CSGALNACT1: variants seen among roughly 807,000 people sequenced by gnomAD.
The protein encoded by CSGALNACT1 is chondroitin sulfate N-acetylgalactosaminyltransferase 1.
In CSGALNACT1, 52 loss-of-function variants were observed where a neutral mutation model predicts 51.0. That is an observed-to-expected ratio of 1.02 (90% CI 0.82 to 1.29). The LOEUF (loss-of-function observed/expected upper bound fraction) is 1.29. Among genes scored for constraint, CSGALNACT1 ranks in the 50% most tolerant of loss-of-function variants. The probability of loss-of-function intolerance (pLI) is 0.00; values close to 1 mark genes in which losing one functional copy is unlikely to be tolerated. For missense variants in CSGALNACT1, 935 were observed against 679.2 expected (o/e 1.38, Z -4.19); for synonymous variants, 341 against 254.4 (o/e 1.34, Z -3.24).
At chr8:19,570,446 C>G (rs1588489112) in intron 3 of CSGALNACT1, among the ~76,000 whole-genome samples, 1 of 152,118 alleles carries the variant, frequency 6.6e-6, no homozygotes, top group Admixed American at 6.6e-5. Flanking sequence ...TAGTACACTC[C>G]TCATTAACAC....
At chr8:19,550,788 C>T (rs930790182) in intron 3 of CSGALNACT1, among the ~76,000 whole-genome samples, 2 of 152,112 alleles carry the variant, frequency 1.3e-5, no homozygotes, top group African/African-American at 4.8e-5. Flanking sequence ...AAGATAAGCC[C>T]CATTGTCAGA....
intron 3 of CSGALNACT1, among the ~76,000 whole-genome samples, chr8:19,507,816 A>G (rs369710230): frequency 9.9e-5 from 15 of 152,236 alleles, no homozygotes; most frequent in African/African-American, 3.1e-4. Context: ...TTTAGTAGAG[A>G]CGGGGTTTCA....
At chr8:19,589,215 C>T (rs2047290785) in intron 3 of CSGALNACT1, among the ~76,000 whole-genome samples, 1 of 152,170 alleles carries the variant, frequency 6.6e-6, no homozygotes, top group African/African-American at 2.4e-5. Context: ...AAACCATCTG[C>T]CAACATCCTC....
intron 4 of CSGALNACT1, among the ~76,000 whole-genome samples, chr8:19,480,166 G>C (rs2070960301): frequency 6.6e-6 from 1 of 152,054 alleles, no homozygotes; most frequent in Admixed American, 6.5e-5. Flanking sequence ...TGTTATATAG[G>C]TAAACTTCTG....
At chr8:19,490,607 C>G (rs1229230643) in intron 4 of CSGALNACT1, among the ~76,000 whole-genome samples, 1 of 152,156 alleles carries the variant, frequency 6.6e-6, no homozygotes, top group Non-Finnish European at 1.5e-5. Context: ...AAATCCACAC[C>G]AGCTTAGTGC....
At chr8:19,525,594 C>A (rs1205062689) in intron 3 of CSGALNACT1, among the ~76,000 whole-genome samples, 1 of 109,360 alleles carries the variant, frequency 9.1e-6, no homozygotes, top group African/African-American at 3.5e-5. Context: ...GCCAGTCTGG[C>A]TGACAGAGGG....
chr8:19,550,449 T>C (rs2087712443), intron 3 of CSGALNACT1, among the ~76,000 whole-genome samples: 2 of 152,246 alleles, frequency 1.3e-5, no homozygotes, highest in Admixed American at 6.5e-5. Flanking sequence ...ATGCTTCTCA[T>C]TTCCAAGCCC....
chr8:19,560,418 TTTA>T (rs2040439058), intron 3 of CSGALNACT1, among the ~76,000 whole-genome samples: 1 of 152,130 alleles, frequency 6.6e-6, no homozygotes, highest in African/African-American at 2.4e-5. Flanking sequence ...AAACTTTCTG[TTTA>T]TTAAGAACCA....
upstream of CSGALNACT1, among the ~76,000 whole-genome samples, chr8:19,606,874 A>G (rs2051448811): frequency 6.6e-6 from 1 of 152,144 alleles, no homozygotes; most frequent in Non-Finnish European, 1.5e-5. Flanking sequence ...TACCAAGTGT[A>G]GCCGGGCACG....
At chr8:19,588,393 T>C (rs1367984435) in intron 3 of CSGALNACT1, among the ~76,000 whole-genome samples, 1 of 152,220 alleles carries the variant, frequency 6.6e-6, no homozygotes, top group Non-Finnish European at 1.5e-5. Flanking sequence ...ATTTTTTCTG[T>C]AGAGTATTAT....
At chr8:19,596,847 A>G (rs1018766827) in intron 2 of CSGALNACT1, among the ~76,000 whole-genome samples, 1 of 152,176 alleles carries the variant, frequency 6.6e-6, no homozygotes, top group African/African-American at 2.4e-5. Flanking sequence ...AATGAAATTT[A>G]CCATCTTAAC....
chr8:19,731,713 C>T (rs1172324177), intron 1 of CSGALNACT1, among the ~76,000 whole-genome samples: 1 of 152,140 alleles, frequency 6.6e-6, no homozygotes, highest in African/African-American at 2.4e-5. Context: ...AAACTGTACA[C>T]TTTAAAATAG....
intron 1 of CSGALNACT1, among the ~76,000 whole-genome samples, chr8:19,629,033 C>A (rs1007957908): frequency 2.0e-5 from 3 of 152,120 alleles, no homozygotes; most frequent in African/African-American, 4.8e-5. Context: ...AGAGGGAAGG[C>A]ACATTCTCAA....
At chr8:19,599,728 G>A (rs2049983930) in intron 2 of CSGALNACT1, among the ~76,000 whole-genome samples, 1 of 152,174 alleles carries the variant, frequency 6.6e-6, no homozygotes. Context: ...GGAACACTTG[G>A]GGAACCTGGG....
intron 1 of CSGALNACT1, among the ~76,000 whole-genome samples, chr8:19,630,016 A>T (rs774659724): frequency 2.0e-5 from 3 of 152,176 alleles, no homozygotes; most frequent in Non-Finnish European, 4.4e-5. Flanking sequence ...AGATCTCAAC[A>T]TAGAATGAGT....
chr8:19,410,786 G>A (rs1256407243), intron 8 of CSGALNACT1, among the ~76,000 whole-genome samples: 2 of 152,228 alleles, frequency 1.3e-5, no homozygotes, highest in African/African-American at 4.8e-5. Context: ...ACTATCTGAA[G>A]AGCTTGTTGA....
chr8:19,686,466 G>A (rs141456126), upstream of CSGALNACT1, among the ~76,000 whole-genome samples: 53 of 152,244 alleles, frequency 3.5e-4, no homozygotes, highest in East Asian at 7.2e-3. Context: ...TGCACTGCTC[G>A]CTCCAGTTTC....
At chr8:19,692,602 C>G (rs1232174867) in intron 1 of CSGALNACT1, among the ~76,000 whole-genome samples, 1 of 152,240 alleles carries the variant, frequency 6.6e-6, no homozygotes. Flanking sequence ...GACTAACTCA[C>G]ATGGCTGTTG....
At chr8:19,729,554 G>T (rs533926542) in intron 1 of CSGALNACT1, among the ~76,000 whole-genome samples, 3 of 152,152 alleles carry the variant, frequency 2.0e-5, no homozygotes, top group Admixed American at 6.5e-5. Context: ...GGATCAGAGG[G>T]CTAGTTAGAG....
Sources: gnomAD v4.1 joint callset for allele counts (sites outside exome capture counted in the v4.1 genomes callset) on GRCh38, gnomAD v4.1.1 for gene constraint, MANE v1.5 for transcripts, NCBI Gene and HGNC (gene_info 2026-07-23, HGNC 2026-07-21) for gene names.